Variants in GLRA2 observed in about 807,000 individuals in gnomAD.
The protein encoded by GLRA2 is glycine receptor alpha 2.
In GLRA2, 11 loss-of-function variants were observed where a neutral mutation model predicts 31.6. That is an observed-to-expected ratio of 0.35 (90% confidence interval 0.22 to 0.58). The LOEUF (loss-of-function observed/expected upper bound fraction) is 0.58. GLRA2 is among the 20% of genes least tolerant of loss of function. The pLI is 0.84. For missense variants in GLRA2, 212 were observed against 351.8 expected, an observed-to-expected ratio of 0.60 and a Z score of 3.18; for synonymous variants, 132 against 134.0, an observed-to-expected ratio of 0.99 and a Z score of 0.10.
chrX:14,498,744 C>T, the GLRA2 span, among the ~76,000 whole-genome samples: 1 of 111,071 alleles, frequency 9.0e-6, no homozygotes, highest in South Asian at 3.8e-4. Flanking sequence ...ACTCATTAAT[C>T]AGCCTCTCTT....
intron 7 of GLRA2, among the ~76,000 whole-genome samples, chrX:14,634,838 G>A (rs760198086): frequency 8.0e-5 from 9 of 111,918 alleles, no homozygotes; most frequent in Admixed American, 3.8e-4. Context: ...CTTTATGTGC[G>A]TTAATTCCCT....
At chrX:14,613,589 T>C (rs187878135) in intron 7 of GLRA2, among the ~76,000 whole-genome samples, 1 of 112,084 alleles carries the variant, frequency 8.9e-6, no homozygotes, top group African/African-American at 3.2e-5. Context: ...TGGGAGGATG[T>C]GCATAGGTTA....
At chrX:14,669,038 C>T (rs916470113) in intron 7 of GLRA2, among the ~76,000 whole-genome samples, 4 of 112,322 alleles carry the variant, frequency 3.6e-5, no homozygotes, top group Non-Finnish European at 7.5e-5. Context: ...TAGATACAAT[C>T]GGGATACAGG....
chrX:14,690,712 C>A lies in GLRA2; in HGVS notation c.933C>A (p.Val311=). The part of the protein sequence containing the change: ...SSGSRASLPK[V]SYVKAIDIWM... ...GTGTGTCTCTCTCTCTCTCTCAGGT[C>A]TCCTATGTAAAAGCGATTGACATCT... Residue 311 remains valine, a splice_region_variant and synonymous_variant, in exon 8 of 9, where the codon GTC becomes GTA. Transcript: ENST00000218075. The A allele has an allele frequency of 8.5e-7, 1 of 1,171,574 alleles. No individual in the cohort carries two copies.
intron 8 of GLRA2, among the ~76,000 whole-genome samples, chrX:14,691,285 G>C (rs977463058): frequency 1.5e-5 from 1 of 65,464 alleles, no homozygotes; most frequent in African/African-American, 5.8e-5. Flanking sequence ...GTGTGTGTGT[G>C]TGTGTGTGTG....
intron 7 of GLRA2, among the ~76,000 whole-genome samples, chrX:14,666,511 C>T (rs2091039834): frequency 8.9e-6 from 1 of 111,852 alleles, no homozygotes; most frequent in African/African-American, 3.2e-5. Context: ...AGAAGTCACA[C>T]AAGAATGACT....
intron 2 of GLRA2, among the ~76,000 whole-genome samples, chrX:14,535,935 T>G (rs1228963081): frequency 8.9e-6 from 1 of 112,616 alleles, no homozygotes; most frequent in Non-Finnish European, 1.9e-5. Context: ...AATGAAATTT[T>G]CTTTGAAAAT....
chrX:14,557,792 C>T (rs776445142), intron 2 of GLRA2, among the ~76,000 whole-genome samples: 6 of 110,927 alleles, frequency 5.4e-5, no homozygotes, highest in Non-Finnish European at 1.1e-4. Flanking sequence ...CACCCTGCAA[C>T]GCACAGAACA....
chrX:14,647,898 TG>T (rs1414968062), intron 7 of GLRA2, among the ~76,000 whole-genome samples: 1 of 112,185 alleles, frequency 8.9e-6, no homozygotes, highest in Non-Finnish European at 1.9e-5. Context: ...GCAATGGATA[TG>T]TAAAAGGAAA....
intron 2 of GLRA2, among the ~76,000 whole-genome samples, chrX:14,542,473 A>C (rs757761012): frequency 7.2e-5 from 8 of 111,392 alleles, no homozygotes; most frequent in African/African-American, 2.6e-4. Flanking sequence ...TGGTCTTCTT[A>C]TTAGGAGAAA....
chrX:14,557,264 C>T (rs1273237750), intron 2 of GLRA2, among the ~76,000 whole-genome samples: 1 of 107,317 alleles, frequency 9.3e-6, no homozygotes, highest in Admixed American at 9.9e-5. Flanking sequence ...TACAGGCGCC[C>T]ACCACCACGC....
At chrX:14,522,622 A>G in the GLRA2 span, among the ~76,000 whole-genome samples, 4 of 112,473 alleles carry the variant, frequency 3.6e-5, no homozygotes, top group Non-Finnish European at 7.5e-5. Context: ...TAAGACTTGA[A>G]AGTCAAAATT....
intron 7 of GLRA2, among the ~76,000 whole-genome samples, chrX:14,639,102 G>A (rs1296463215): frequency 9.0e-6 from 1 of 111,231 alleles, no homozygotes; most frequent in African/African-American, 3.3e-5. Flanking sequence ...ACCTCTTAAG[G>A]CTGCTGTAAG....
intron 8 of GLRA2, among the ~76,000 whole-genome samples, chrX:14,707,043 AC>A (rs2147223921): frequency 1.8e-5 from 2 of 109,803 alleles, no homozygotes; most frequent in Admixed American, 1.9e-4. Flanking sequence ...TTACAAAAAT[AC>A]CTGTCTTAAA....
chrX:14,458,046 G>A, the GLRA2 span, among the ~76,000 whole-genome samples: 197 of 102,360 alleles, frequency 1.9e-3, 1 homozygote, highest in African/African-American at 5.6e-3. Context: ...AACAGGCCCC[G>A]GTGTGTGATG....
chrX:14,489,734 G>A, the GLRA2 span, among the ~76,000 whole-genome samples: 1 of 111,991 alleles, frequency 8.9e-6, no homozygotes, highest in Admixed American at 9.4e-5. Context: ...GCAAATGGAC[G>A]TTACAAATCA....
chrX:14,469,192 G>C, the GLRA2 span, among the ~76,000 whole-genome samples: 1 of 111,194 alleles, frequency 9.0e-6, no homozygotes, highest in African/African-American at 3.3e-5. Context: ...TGTCAATTTT[G>C]GCTTTTGTTG....
Position 14,730,396 on chromosome X carries a change from G to A in GLRA2, c.1270G>A (p.Ala424Thr). The change falls in exon 9 of 9, where the codon GCT becomes ACT. Residue 424 changes from alanine (A) to threonine (T), a missense_variant. This residue lies in a region of GLRA2 where 42 missense variants were observed against 52.0 expected (regional missense o/e 0.81). Transcript: ENST00000218075. ...RAKRIDTISR[A>T]AFPLAFLIFN... is the part of the protein sequence containing the mutation. Reference sequence around the variant, plus strand: ...AAAAAGGATTGACACGATATCTCGAGCTGCCTTCCCATTGGCCTTCCTCAT... The same window carrying A: ...AAAAAGGATTGACACGATATCTCGAACTGCCTTCCCATTGGCCTTCCTCAT... 8.3e-7 allele frequency: 1 copy of A among 1,205,810 alleles called. No homozygotes were observed. The highest frequency in any genetic ancestry group is 1.1e-6 in the Non-Finnish European group (1 of 890,459).
chrX:14,694,113 G>T (rs748712051), intron 8 of GLRA2, among the ~76,000 whole-genome samples: 2 of 111,466 alleles, frequency 1.8e-5, no homozygotes, highest in Non-Finnish European at 3.8e-5. Flanking sequence ...ATAAAAGAAT[G>T]GTCCATTAAG....
Sources: allele counts gnomAD v4.1 joint callset (sites outside exome capture counted in the v4.1 genomes callset), GRCh38; gene constraint gnomAD v4.1.1; regional missense constraint gnomAD v4.1.1; transcripts MANE v1.5; gene names NCBI Gene and HGNC (gene_info 2026-07-23, HGNC 2026-07-21).